Variants in MDGA2 observed in about 807,000 individuals in gnomAD.
MDGA2 encodes MAM domain-containing glycosylphosphatidylinositol anchor protein 2.
A neutral mutation model predicts 117.8 loss-of-function variants in MDGA2; 40 were observed. The observed-to-expected ratio is 0.34, with a 90% confidence interval of 0.26 to 0.44. The LOEUF (loss-of-function observed/expected upper bound fraction) is 0.44, where lower values mean the gene tolerates loss of function less well. Among genes scored for constraint, MDGA2 ranks in the 20% least tolerant of loss-of-function variants. MDGA2 has a pLI of 1.00. For synonymous variants in MDGA2, 452 were observed against 439.0 expected (o/e 1.03, Z -0.37); for missense variants, 1,123 against 1,250.6 (o/e 0.90, Z 1.54).
At chr14:47,380,380 C>T (rs796596156) in intron 1 of MDGA2, among the ~76,000 whole-genome samples, 1 of 152,068 alleles carries the variant, frequency 6.6e-6, no homozygotes, top group East Asian at 1.9e-4. Context: ...TAAAGCAGAA[C>T]TGACAGAGAT....
At chr14:47,182,068 T>C (rs981516232) in intron 3 of MDGA2, among the ~76,000 whole-genome samples, 12 of 152,302 alleles carry the variant, frequency 7.9e-5, no homozygotes, top group Non-Finnish European at 1.5e-4. Flanking sequence ...GTTTAACACG[T>C]TAATCTATGC....
At chr14:47,403,153 C>G (rs1370455962) in intron 1 of MDGA2, among the ~76,000 whole-genome samples, 1 of 152,170 alleles carries the variant, frequency 6.6e-6, no homozygotes. Flanking sequence ...ACAGCATTCA[C>G]TAGCAACTTA....
chr14:47,435,741 GC>G (rs1892883898), intron 1 of MDGA2, among the ~76,000 whole-genome samples: 1 of 152,024 alleles, frequency 6.6e-6, no homozygotes. Flanking sequence ...GAGGCACATG[GC>G]TTTTTGTTCC....
chr14:47,109,482 C>A (rs913208154), intron 5 of MDGA2, among the ~76,000 whole-genome samples: 1 of 152,098 alleles, frequency 6.6e-6, no homozygotes, highest in Non-Finnish European at 1.5e-5. Context: ...AGGAGTAGGA[C>A]ATCAGAGTAA....
At position 47,011,210 on chromosome 14, in the gene MDGA2, A is replaced by G. The variant is rs544685848; in HGVS notation, c.1819+23801T>C. Among the ~76,000 whole-genome samples the G allele has an allele frequency of 6.6e-5, 10 of 151,922 alleles. No individual in the cohort carries two copies. The South Asian group carries it at 1.9e-3, about 28-fold the overall frequency. On this transcript the variant is annotated intron_variant, in intron 8 of 16. Coordinates refer to ENST00000399232, the MANE Select transcript of MDGA2 (RefSeq NM_001113498.3). Reference sequence around the variant, plus strand: ...TCTACTGTGGAATTAGAGCTCGGAGAAAAAAAATGACTTCCCACATAGCAT... The same window carrying G: ...TCTACTGTGGAATTAGAGCTCGGAGGAAAAAAATGACTTCCCACATAGCAT...
At chr14:47,197,668 TGA>T (rs1425517969) in intron 3 of MDGA2, among the ~76,000 whole-genome samples, 1 of 152,128 alleles carries the variant, frequency 6.6e-6, no homozygotes, top group Non-Finnish European at 1.5e-5. Flanking sequence ...CTCAGCACTT[TGA>T]GAGGCCAAGG....
chr14:47,519,740 C>T (rs780178262), intron 1 of MDGA2, among the ~76,000 whole-genome samples: 2 of 152,048 alleles, frequency 1.3e-5, no homozygotes, highest in African/African-American at 2.4e-5. Flanking sequence ...TGAGTTTACA[C>T]CATATATGGG....
At chr14:47,255,133 C>A (rs1887575461) in intron 2 of MDGA2, among the ~76,000 whole-genome samples, 1 of 151,904 alleles carries the variant, frequency 6.6e-6, no homozygotes, top group African/African-American at 2.4e-5. Context: ...GACATATTAC[C>A]CATTTTAATT....
chr14:47,253,359 C>G (rs2139648322), intron 2 of MDGA2, among the ~76,000 whole-genome samples: 1 of 152,352 alleles, frequency 6.6e-6, no homozygotes, highest in South Asian at 2.1e-4. Flanking sequence ...AAGTTAATTA[C>G]TTCCTAGATA....
At chr14:47,193,316 G>T (rs964858951) in intron 3 of MDGA2, among the ~76,000 whole-genome samples, 1 of 152,058 alleles carries the variant, frequency 6.6e-6, no homozygotes, top group Admixed American at 6.5e-5. Context: ...TCATCACATT[G>T]TATGGTAGGT....
intron 5 of MDGA2, among the ~76,000 whole-genome samples, chr14:47,123,143 G>T (rs959298757): frequency 6.6e-6 from 1 of 151,942 alleles, no homozygotes; most frequent in South Asian, 2.1e-4. Flanking sequence ...GCTGTTTATT[G>T]TATCTGGATT....
intron 2 of MDGA2, among the ~76,000 whole-genome samples, chr14:47,279,229 A>T (rs1367804219): frequency 2.0e-5 from 3 of 152,184 alleles, no homozygotes; most frequent in African/African-American, 7.2e-5. Context: ...GAGGGTATGC[A>T]TACTGATAGA....
At chr14:46,976,395 A>T (rs1253525025) in intron 8 of MDGA2, among the ~76,000 whole-genome samples, 1 of 152,052 alleles carries the variant, frequency 6.6e-6, no homozygotes, top group Non-Finnish European at 1.5e-5. Context: ...CTGAAAAAGG[A>T]CAGAGACATC....
chr14:47,597,206 AAG>A (rs1298226478), intron 1 of MDGA2, among the ~76,000 whole-genome samples: 4 of 152,154 alleles, frequency 2.6e-5, no homozygotes, highest in Admixed American at 6.5e-5. Flanking sequence ...TAAAAAATCT[AAG>A]AGAATCATTA....
intron 6 of MDGA2, among the ~76,000 whole-genome samples, chr14:47,070,775 T>C (rs1347759937): frequency 6.6e-6 from 1 of 152,158 alleles, no homozygotes; most frequent in Non-Finnish European, 1.5e-5. Context: ...CTAGCTAATT[T>C]TTGTATTTTT....
intron 1 of MDGA2, among the ~76,000 whole-genome samples, chr14:47,354,833 G>A (rs950837232): frequency 2.6e-5 from 4 of 151,972 alleles, no homozygotes; most frequent in African/African-American, 9.7e-5. Flanking sequence ...AACAAACAGT[G>A]AAATTAACTG....
chr14:47,428,780 A>T (rs4415942), intron 1 of MDGA2, among the ~76,000 whole-genome samples: 41,163 of 151,676 alleles, frequency 0.27, 6,018 homozygotes, highest in Middle Eastern at 0.44. Flanking sequence ...CACATACATA[A>T]ATATACATGT....
chr14:47,585,759 A>G (rs1896313133), intron 1 of MDGA2, among the ~76,000 whole-genome samples: 2 of 151,824 alleles, frequency 1.3e-5, no homozygotes, highest in African/African-American at 4.8e-5. Context: ...TCCTTCCCTT[A>G]TACATAAATA....
chr14:47,290,316 T>C (rs749184189), intron 2 of MDGA2, among the ~76,000 whole-genome samples: 3 of 152,016 alleles, frequency 2.0e-5, no homozygotes, highest in Non-Finnish European at 4.4e-5. Flanking sequence ...CTTTCTGCCA[T>C]ATGAGATTAA....
Sources: gnomAD v4.1 joint callset for allele counts (sites outside exome capture counted in the v4.1 genomes callset) on GRCh38, gnomAD v4.1.1 for gene constraint, MANE v1.5 for transcripts, NCBI Gene and HGNC (gene_info 2026-07-23, HGNC 2026-07-21) for gene names.